The following ARHGAP17 variants were observed in gnomAD, a reference collection of about 807,000 sequenced individuals.
ARHGAP17 encodes the protein rho GTPase-activating protein 17.
In ARHGAP17, 57 loss-of-function variants were observed where a neutral mutation model predicts 99.5. The observed-to-expected ratio is 0.57, with a 90% CI of 0.46 to 0.71. The LOEUF (loss-of-function observed/expected upper bound fraction) is 0.71, where lower values mean the gene tolerates loss of function less well. ARHGAP17 is among the 30% of genes least tolerant of loss of function. The pLI is 0.00. For synonymous variants in ARHGAP17, 417 were observed against 429.6 expected (o/e 0.97, Z 0.36); for missense variants, 1,000 against 1,122.4 (o/e 0.89, Z 1.56).
intron 3 of ARHGAP17, among the ~76,000 whole-genome samples, chr16:24,972,409 AGG>A (rs2052393156): frequency 6.6e-6 from 1 of 152,148 alleles, no homozygotes; most frequent in Non-Finnish European, 1.5e-5. Flanking sequence ...TGTAGAGACA[AGG>A]TCTCACTATG....
intron 19 of ARHGAP17, among the ~76,000 whole-genome samples, chr16:24,929,403 T>C (rs1460330412): frequency 6.6e-6 from 1 of 152,180 alleles, no homozygotes; most frequent in African/African-American, 2.4e-5. Context: ...ACTCCTCGAA[T>C]TTGAAGCACT....
chr16:24,993,664 T>G (rs1367082828), intron 1 of ARHGAP17, among the ~76,000 whole-genome samples: 1 of 151,448 alleles, frequency 6.6e-6, no homozygotes, highest in Non-Finnish European at 1.5e-5. Flanking sequence ...GTTTCGTGGG[T>G]GTGCAGGCAG....
intron 19 of ARHGAP17, 88 bp downstream of exon 19, chr16:24,930,696 T>A: frequency 6.2e-7 from 1 of 1,611,488 alleles, no homozygotes; most frequent in Admixed American, 1.7e-5. Flanking sequence ...TGCTGACACC[T>A]GGCATAAATC....
chr16:25,003,362 G>A (rs912200051), intron 1 of ARHGAP17, among the ~76,000 whole-genome samples: 1 of 148,372 alleles, frequency 6.7e-6, no homozygotes, highest in Non-Finnish European at 1.5e-5. Flanking sequence ...AGCCTCCCAA[G>A]TAGCTGGGAT....
intron 9 of ARHGAP17, 62 bp downstream of exon 9, chr16:24,959,609 A>G: frequency 6.5e-7 from 1 of 1,535,442 alleles, no homozygotes; most frequent in Non-Finnish European, 8.9e-7. Flanking sequence ...AGGGTGAAGA[A>G]GAACCCAGGC....
chr16:24,982,971 T>TATATATATATAC (rs2052720113), intron 1 of ARHGAP17, among the ~76,000 whole-genome samples: 1 of 19,082 alleles, frequency 5.2e-5, no homozygotes, highest in South Asian at 3.0e-3. Flanking sequence ...AAATCATATA[T>TATATATATATAC]ATATATATAT....
chr16:24,929,967 A>AT (rs869158669), intron 19 of ARHGAP17, among the ~76,000 whole-genome samples: 1 of 151,890 alleles, frequency 6.6e-6, no homozygotes, highest in East Asian at 1.9e-4. Flanking sequence ...GTAAGAAATT[A>AT]TTTGAGGCCC....
intron 1 of ARHGAP17, among the ~76,000 whole-genome samples, chr16:25,011,596 T>G (rs571771107): frequency 6.6e-6 from 1 of 152,028 alleles, no homozygotes; most frequent in African/African-American, 2.4e-5. Context: ...TCCCAGCTAC[T>G]TGGGAGGCTG....
chr16:24,983,390 C>T lies in ARHGAP17; in HGVS notation c.54-4385G>A, dbSNP rs2052761379. 3.3e-5 allele frequency among the ~76,000 whole-genome samples: 5 copies of T among 151,542 alleles called. No homozygotes were observed. In the South Asian group the frequency reaches 1.0e-3, roughly 32 times the overall value. ...GATCACAGCTCACAGCAGCCTTGAA[C>T]TCCTAGGTTCAAGCTATCCTCCCAC... On this transcript the variant is annotated intron_variant, in intron 1 of 19. Transcript: ENST00000289968.
chr16:24,982,982 A>ATATATT (rs1555467443), intron 1 of ARHGAP17, among the ~76,000 whole-genome samples: 2 of 32,666 alleles, frequency 6.1e-5, no homozygotes, highest in Admixed American at 4.9e-4. Context: ...ATATATATAT[A>ATATATT]TATATATATA....
intron 6 of ARHGAP17, among the ~76,000 whole-genome samples, chr16:24,965,162 A>G (rs537795942): frequency 4.6e-5 from 7 of 151,548 alleles, no homozygotes; most frequent in Non-Finnish European, 1.0e-4. Context: ...CATAGATGTT[A>G]TAAAATGCAG....
intron 1 of ARHGAP17, among the ~76,000 whole-genome samples, chr16:24,998,627 C>T (rs954440494): frequency 6.6e-6 from 1 of 152,184 alleles, no homozygotes. Context: ...GAAAACTAAG[C>T]CAAGCGCTGG....
chr16:24,944,181 G>A (rs2051398503), intron 14 of ARHGAP17, among the ~76,000 whole-genome samples: 1 of 150,448 alleles, frequency 6.6e-6, no homozygotes, highest in Admixed American at 6.7e-5. Flanking sequence ...TGAGGCAGGA[G>A]AATCGCTTGA....
At chr16:24,988,825 C>T (rs925464235) in intron 1 of ARHGAP17, among the ~76,000 whole-genome samples, 6 of 152,188 alleles carry the variant, frequency 3.9e-5, no homozygotes, top group Non-Finnish European at 1.5e-5. Flanking sequence ...AGAAATCTCC[C>T]TTCTGCCACC....
In ARHGAP17 at chr16:24,952,994, C is replaced by A; in HGVS notation, c.901G>T (p.Ala301Ser). 6.2e-7 allele frequency: 1 copy of A among 1,614,208 alleles called. No individual in the cohort carries two copies. Among genetic ancestry groups the A allele is most frequent in the Non-Finnish European group, 8.5e-7 (1 of 1,180,040 alleles). The change falls in exon 11 of 20, where the codon GCT becomes TCT. Residue 301 changes from alanine (A) to serine (S), a missense_variant. Physicochemically the swap from Ala to Ser is moderately conservative, Grantham distance 99. This residue lies in a region of ARHGAP17 where 472 missense variants were observed against 611.1 expected (regional missense o/e 0.77). Coordinates refer to ENST00000289968, the MANE Select transcript of ARHGAP17 (RefSeq NM_001006634.3). Reference protein sequence around the residue: ...AGASKLKKLKAALDCSTSHLD... With the variant: ...AGASKLKKLKSALDCSTSHLD... ...TGAGAAGTAGAACAGTCCAAAGCAG[C>A]TTTCAGCTTCTTTAACTTGGAGGCC...
intron 14 of ARHGAP17, among the ~76,000 whole-genome samples, chr16:24,945,704 C>T (rs2051450222): frequency 6.6e-6 from 1 of 152,168 alleles, no homozygotes; most frequent in South Asian, 2.1e-4. Flanking sequence ...GTAAATGATC[C>T]TTCCCAGCCT....
At chr16:24,999,779 A>G (rs933215991) in intron 1 of ARHGAP17, among the ~76,000 whole-genome samples, 1 of 152,152 alleles carries the variant, frequency 6.6e-6, no homozygotes. Flanking sequence ...AGTACTTTCC[A>G]CAATAAGCTA....
intron 19 of ARHGAP17, among the ~76,000 whole-genome samples, chr16:24,921,445 A>T (rs747603626): frequency 6.6e-6 from 1 of 152,094 alleles, no homozygotes; most frequent in Non-Finnish European, 1.5e-5. Flanking sequence ...GCTTTCCCCT[A>T]CTTGCTGTGG....
At chr16:24,930,249 G>C (rs1018854456) in intron 19 of ARHGAP17, among the ~76,000 whole-genome samples, 7 of 152,154 alleles carry the variant, frequency 4.6e-5, no homozygotes, top group Non-Finnish European at 2.9e-5. Context: ...CCCTTCTGGA[G>C]CATTCAATTT....
Sources: gnomAD v4.1 joint callset for allele counts (sites outside exome capture counted in the v4.1 genomes callset) on GRCh38, gnomAD v4.1.1 for gene constraint, gnomAD v4.1.1 regional missense constraint, MANE v1.5 for transcripts, NCBI Gene and HGNC (gene_info 2026-07-23, HGNC 2026-07-21) for gene names.